Variants in PDE7B observed in about 807,000 individuals in gnomAD.
PDE7B encodes phosphodiesterase 7B, also known as 3',5'-cyclic-AMP phosphodiesterase 7B.
Under a neutral mutation model 56.2 loss-of-function variants are expected in PDE7B, and 29 were observed. That is an observed-to-expected ratio of 0.52 (90% CI 0.38 to 0.70). PDE7B has a LOEUF of 0.70. PDE7B is among the 30% of genes least tolerant of loss of function. The probability of loss-of-function intolerance (pLI) is 0.00; values close to 1 mark genes in which losing one functional copy is unlikely to be tolerated. For missense variants in PDE7B, 490 were observed against 565.0 expected (o/e 0.87, Z 1.35); for synonymous variants, 197 against 196.9 (o/e 1.00, Z 0.00).
intron 2 of PDE7B, among the ~76,000 whole-genome samples, chr6:136,032,838 A>G (rs1310859965): frequency 2.6e-5 from 4 of 152,206 alleles, no homozygotes; most frequent in Admixed American, 2.0e-4. Flanking sequence ...TAATCCTTTC[A>G]AGATCCCAGT....
chr6:136,051,168 A>T (rs1776620784), intron 2 of PDE7B, among the ~76,000 whole-genome samples: 1 of 152,010 alleles, frequency 6.6e-6, no homozygotes, highest in African/African-American at 2.4e-5. Context: ...TGTTATTCTT[A>T]ATTATTTTTA....
At chr6:136,037,117 A>T (rs903724707) in intron 2 of PDE7B, among the ~76,000 whole-genome samples, 1 of 152,190 alleles carries the variant, frequency 6.6e-6, no homozygotes, top group Non-Finnish European at 1.5e-5. Context: ...CACATAATAA[A>T]TCAACAGTGC....
At chr6:136,061,998 C>T (rs1406118152) in intron 2 of PDE7B, among the ~76,000 whole-genome samples, 1 of 152,154 alleles carries the variant, frequency 6.6e-6, no homozygotes, top group Non-Finnish European at 1.5e-5. Context: ...AGGGATAAGA[C>T]AGAAATTGAA....
chr6:135,863,822 TTA>T (rs1775199373), intron 1 of PDE7B, among the ~76,000 whole-genome samples: 1 of 151,988 alleles, frequency 6.6e-6, no homozygotes. Context: ...GTCTATATGT[TTA>T]TGTTTTAGGT....
At chr6:135,904,904 G>A (rs1776069327) in intron 1 of PDE7B, among the ~76,000 whole-genome samples, 1 of 152,178 alleles carries the variant, frequency 6.6e-6, no homozygotes, top group African/African-American at 2.4e-5. Flanking sequence ...TCTTTGTAAA[G>A]CTGGGTGACA....
chr6:136,062,870 C>CT lies in PDE7B; in HGVS notation c.83-45860dup, dbSNP rs1244605971. ...ATGCACTAGAATCTAGCAGTTGATT[C>CT]TAGCCCATCTCAGATTCTTGTGGAG... On this transcript the variant is annotated intron_variant, in intron 2 of 12. Coordinates refer to ENST00000308191, the MANE Select transcript of PDE7B (RefSeq NM_018945.4). Among the ~76,000 whole-genome samples, 12 of 152,278 alleles carry CT rather than the reference C, an allele frequency of 7.9e-5. 1 individual carries two copies. The highest frequency in any genetic ancestry group is 2.9e-4 in the African/African-American group (12 of 41,558).
At chr6:136,000,376 G>A (rs1385790969) in intron 2 of PDE7B, among the ~76,000 whole-genome samples, 1 of 152,122 alleles carries the variant, frequency 6.6e-6, no homozygotes, top group Admixed American at 6.5e-5. Context: ...GGTTTTTATA[G>A]TTTTGGGTTT....
intron 1 of PDE7B, among the ~76,000 whole-genome samples, chr6:135,852,688 ATAT>A (rs560753213): frequency 1.2e-4 from 18 of 152,302 alleles, no homozygotes; most frequent in African/African-American, 3.8e-4. Context: ...AGAAATTTAG[ATAT>A]TATTATTTAT....
chr6:136,052,222 T>C lies in PDE7B; in HGVS notation c.83-56509T>C, dbSNP rs142024323. ...TAAAAAGTAGGAGGAAAGAGAAGAGTTACGCAAAGCAGTTGAGCAAAACTG... is the reference window on the plus strand; with the variant it reads ...TAAAAAGTAGGAGGAAAGAGAAGAGCTACGCAAAGCAGTTGAGCAAAACTG... On this transcript the variant is annotated intron_variant, in intron 2 of 12. Coordinates refer to ENST00000308191, the MANE Select transcript of PDE7B (RefSeq NM_018945.4). 9.9e-5 allele frequency among the ~76,000 whole-genome samples: 15 copies of C among 152,002 alleles called. No individual in the cohort carries two copies. In the East Asian group the frequency reaches 2.9e-3, roughly 29 times the overall value.
intron 2 of PDE7B, among the ~76,000 whole-genome samples, chr6:135,949,638 A>G (rs1250137206): frequency 1.3e-5 from 2 of 152,136 alleles, no homozygotes; most frequent in Non-Finnish European, 2.9e-5. Context: ...TCTATCTTTC[A>G]AAATATAGAT....
At chr6:135,967,385 T>G (rs182535136) in intron 2 of PDE7B, among the ~76,000 whole-genome samples, 3 of 152,316 alleles carry the variant, frequency 2.0e-5, no homozygotes, top group Admixed American at 1.3e-4. Flanking sequence ...ATCAGGCTTG[T>G]AAAGGGTATG....
intron 1 of PDE7B, among the ~76,000 whole-genome samples, chr6:135,870,428 G>A (rs1775354436): frequency 6.6e-6 from 1 of 151,758 alleles, no homozygotes; most frequent in South Asian, 2.1e-4. Flanking sequence ...TTGCCATAAG[G>A]ATTAAATGTG....
intron 1 of PDE7B, among the ~76,000 whole-genome samples, chr6:135,868,722 C>T (rs1290021761): frequency 2.0e-5 from 3 of 152,176 alleles, no homozygotes; most frequent in Non-Finnish European, 4.4e-5. Flanking sequence ...TGTGAGCCAC[C>T]GCGCCCAGCC....
At chr6:136,117,638 C>T (rs1181761036) in intron 3 of PDE7B, among the ~76,000 whole-genome samples, 2 of 152,240 alleles carry the variant, frequency 1.3e-5, no homozygotes, top group Non-Finnish European at 2.9e-5. Flanking sequence ...AGAAGGTGGC[C>T]AATGCCACTA....
intron 2 of PDE7B, among the ~76,000 whole-genome samples, chr6:136,014,646 A>AG (rs1381994215): frequency 6.6e-6 from 1 of 152,170 alleles, no homozygotes; most frequent in African/African-American, 2.4e-5. Flanking sequence ...TATATTGCAG[A>AG]GGGGGCAGCC....
intron 2 of PDE7B, among the ~76,000 whole-genome samples, chr6:136,107,655 C>T (rs1777668166): frequency 6.6e-6 from 1 of 152,040 alleles, no homozygotes; most frequent in African/African-American, 2.4e-5. Context: ...ATAAATGAGG[C>T]GTCTGAGGCT....
intron 2 of PDE7B, among the ~76,000 whole-genome samples, chr6:135,962,770 T>C (rs1774925718): frequency 6.6e-6 from 1 of 152,140 alleles, no homozygotes; most frequent in Non-Finnish European, 1.5e-5. Flanking sequence ...TCAGGGCTTT[T>C]ATTAAACCTC....
At chr6:135,922,486 T>C (rs974683535) in intron 1 of PDE7B, among the ~76,000 whole-genome samples, 1 of 152,210 alleles carries the variant, frequency 6.6e-6, no homozygotes, top group Non-Finnish European at 1.5e-5. Flanking sequence ...GGTTTATTTA[T>C]GATTTTATAT....
At chr6:136,055,169 G>C (rs1305623177) in intron 2 of PDE7B, among the ~76,000 whole-genome samples, 1 of 152,154 alleles carries the variant, frequency 6.6e-6, no homozygotes, top group Admixed American at 6.5e-5. Flanking sequence ...ATCTAAAAGG[G>C]AGCACTGCTT....
Sources: gnomAD v4.1 joint callset for allele counts (sites outside exome capture counted in the v4.1 genomes callset) on GRCh38, gnomAD v4.1.1 for gene constraint, MANE v1.5 for transcripts, NCBI Gene and HGNC (gene_info 2026-07-23, HGNC 2026-07-21) for gene names.